Variants in CALN1 observed in about 807,000 individuals in gnomAD.
CALN1 encodes calcium-binding protein 8.
CALN1 carries 17 observed loss-of-function variants against 30.6 expected under a neutral mutation model. The ratio of observed to expected loss-of-function variants is 0.56; its 90% CI spans 0.38 to 0.83. The LOEUF is 0.83. Among genes scored for constraint, CALN1 ranks in the 40% least tolerant of loss-of-function variants. The pLI, the probability that CALN1 is intolerant of heterozygous loss-of-function variation, is 0.00. For missense variants in CALN1, 291 were observed against 354.9 expected (o/e 0.82, Z 1.45); for synonymous variants, 156 against 131.4 (o/e 1.19, Z -1.28).
At chr7:71,980,382 T>G (rs530456679) in intron 5 of CALN1, among the ~76,000 whole-genome samples, 1 of 151,964 alleles carries the variant, frequency 6.6e-6, no homozygotes, top group African/African-American at 2.4e-5. Context: ...AGACAGGGTT[T>G]TACCATGTTG....
chr7:71,846,901 AATATATACATACATATATGTATATT>A (rs1446397869), intron 5 of CALN1, among the ~76,000 whole-genome samples: 2 of 146,744 alleles, frequency 1.4e-5, no homozygotes, highest in East Asian at 3.9e-4. Flanking sequence ...ATGTATATAT[AATATATACATACATATATGTATATT>A]ATATATACAT....
intron 2 of CALN1, among the ~76,000 whole-genome samples, chr7:72,380,294 A>G (rs1055952401): frequency 6.6e-6 from 1 of 152,248 alleles, no homozygotes; most frequent in Non-Finnish European, 1.5e-5. Flanking sequence ...ACACACAGGA[A>G]GGAAAACATT....
chr7:72,256,672 T>A (rs998429423), intron 3 of CALN1, among the ~76,000 whole-genome samples: 7 of 152,054 alleles, frequency 4.6e-5, no homozygotes, highest in South Asian at 2.1e-4. Flanking sequence ...AATGGCACCA[T>A]CATAGCTCAC....
At chr7:71,891,817 G>A (rs1793256526) in intron 5 of CALN1, among the ~76,000 whole-genome samples, 1 of 152,138 alleles carries the variant, frequency 6.6e-6, no homozygotes, top group Admixed American at 6.5e-5. Context: ...GGTGGCTCAC[G>A]CCTGTAATCC....
At chr7:72,095,067 T>C (rs549719016) in intron 4 of CALN1, among the ~76,000 whole-genome samples, 13 of 152,116 alleles carry the variant, frequency 8.5e-5, no homozygotes, top group African/African-American at 2.2e-4. Flanking sequence ...TCCACTAAAA[T>C]TGCAAAAAGA....
At chr7:72,208,842 T>A (rs1328596488) in intron 3 of CALN1, among the ~76,000 whole-genome samples, 1 of 152,218 alleles carries the variant, frequency 6.6e-6, no homozygotes, top group Non-Finnish European at 1.5e-5. Flanking sequence ...TACACAGTGT[T>A]AGAAGTAAAG....
Position 72,188,538 on chromosome 7 carries a change from T to C in CALN1, c.245-82244A>G, listed in dbSNP as rs73357147. On this transcript the variant is annotated intron_variant, in intron 3 of 6. Transcript: ENST00000395275. Reference sequence around the variant, plus strand: ...GGCATAAGAATGATACAATGAACTCTGGGAACTTGGGGGAAAGGGTGGGAG... The same window carrying C: ...GGCATAAGAATGATACAATGAACTCCGGGAACTTGGGGGAAAGGGTGGGAG... Among the ~76,000 whole-genome samples the C allele has an allele frequency of 7.6e-3, 1,124 of 148,780 alleles. 8 individuals carry two copies. Among genetic ancestry groups the C allele is most frequent in the African/African-American group, 0.024 (980 of 40,344 alleles).
At chr7:72,166,344 A>G (rs1788522286) in intron 3 of CALN1, among the ~76,000 whole-genome samples, 1 of 152,134 alleles carries the variant, frequency 6.6e-6, no homozygotes, top group South Asian at 2.1e-4. Flanking sequence ...TGGGACTACA[A>G]GTATGAGCCA....
rs779122473 is a variant in CALN1, at chr7:72,418,615, T to TCCC, written c.-225-6343_-225-6341dup. 1.1e-4 allele frequency among the ~76,000 whole-genome samples: 16 copies of TCCC among 151,100 alleles called. No individual in the cohort carries two copies. In the East Asian group the frequency reaches 2.0e-3, roughly 19 times the overall value. On this transcript the variant is annotated intron_variant, in intron 1 of 6. Transcript: ENST00000395276. Reference sequence around the variant, plus strand: ...TTCTGGACAATCGCCCTCTGTAGCTTCCCCGCCCCGGCTCACATAGGGCTC... The same window carrying TCCC: ...TTCTGGACAATCGCCCTCTGTAGCTTCCCCCCCGCCCCGGCTCACATAGGGCTC...
intron 2 of CALN1, among the ~76,000 whole-genome samples, chr7:72,305,565 G>T (rs974705054): frequency 5.9e-5 from 9 of 152,140 alleles, no homozygotes; most frequent in Non-Finnish European, 1.3e-4. Flanking sequence ...AAGTTTGAGA[G>T]AATCCTGCTG....
chr7:72,040,337 T>A (rs74932874), intron 4 of CALN1, among the ~76,000 whole-genome samples: 8 of 147,914 alleles, frequency 5.4e-5, no homozygotes, highest in African/African-American at 2.0e-4. Flanking sequence ...AAAAAAAAAA[T>A]AGCCAGCTGT....
At chr7:71,885,145 A>G (rs1238817190) in intron 5 of CALN1, among the ~76,000 whole-genome samples, 2 of 152,000 alleles carry the variant, frequency 1.3e-5, no homozygotes, top group Admixed American at 6.6e-5. Context: ...GACCAAACCA[A>G]TGTTATTTCT....
intron 3 of CALN1, among the ~76,000 whole-genome samples, chr7:72,204,815 G>A (rs778120324): frequency 1.1e-4 from 16 of 152,074 alleles, no homozygotes; most frequent in Non-Finnish European, 1.5e-4. Flanking sequence ...CCTTCTACAT[G>A]TAGTTTTTTA....
At chr7:72,290,041 G>A (rs1385593638) in intron 2 of CALN1, among the ~76,000 whole-genome samples, 2 of 117,124 alleles carry the variant, frequency 1.7e-5, no homozygotes, top group Non-Finnish European at 3.2e-5. Flanking sequence ...TTAAACCCCT[G>A]TACTCCAGCC....
chr7:72,336,424 G>T (rs1306733493), intron 2 of CALN1, among the ~76,000 whole-genome samples: 1 of 151,990 alleles, frequency 6.6e-6, no homozygotes, highest in African/African-American at 2.4e-5. Context: ...AGCCGAGTCC[G>T]CCGCGGCCCT....
intron 5 of CALN1, among the ~76,000 whole-genome samples, chr7:72,013,247 A>AT (rs1025112311): frequency 0.058 from 5,367 of 92,940 alleles, 412 homozygotes; most frequent in East Asian, 0.2. Context: ...CTAATTTGAG[A>AT]TTTTTTTTTT....
intron 4 of CALN1, among the ~76,000 whole-genome samples, chr7:72,027,272 C>G (rs1304217501): frequency 6.6e-6 from 1 of 152,130 alleles, no homozygotes; most frequent in Non-Finnish European, 1.5e-5. Context: ...GGAGACGCCC[C>G]AAGTACTGTG....
chr7:72,297,544 ATTTT>A (rs1001700961), intron 2 of CALN1, among the ~76,000 whole-genome samples: 2 of 152,172 alleles, frequency 1.3e-5, no homozygotes, highest in African/African-American at 4.8e-5. Context: ...AAGAAAGTGG[ATTTT>A]TTTAGCGAAA....
chr7:72,311,842 T>G (rs1474416619), intron 2 of CALN1, among the ~76,000 whole-genome samples: 8 of 151,726 alleles, frequency 5.3e-5, no homozygotes, highest in Non-Finnish European at 1.5e-5. Flanking sequence ...TGTGAAGGGT[T>G]TGAATGCCAC....
Sources: gnomAD v4.1 joint callset for allele counts (sites outside exome capture counted in the v4.1 genomes callset) on GRCh38, gnomAD v4.1.1 for gene constraint, MANE v1.5 for transcripts, NCBI Gene and HGNC (gene_info 2026-07-23, HGNC 2026-07-21) for gene names.